The following DIAPH2 variants were observed in gnomAD, a reference collection of about 807,000 sequenced individuals.
DIAPH2 encodes protein diaphanous homolog 2.
A neutral mutation model predicts 92.7 loss-of-function variants in DIAPH2; 35 were observed. The observed-to-expected ratio is 0.38, with a 90% CI of 0.29 to 0.50. The LOEUF (loss-of-function observed/expected upper bound fraction) is 0.50. Among genes scored for constraint, DIAPH2 ranks in the 20% least tolerant of loss-of-function variants. The pLI is 0.94. For synonymous variants in DIAPH2, 301 were observed against 280.4 expected, an observed-to-expected ratio of 1.07 and a Z score of -0.73; for missense variants, 701 against 819.5, an observed-to-expected ratio of 0.86 and a Z score of 1.77.
chrX:97,467,196 A>G (rs1033143340), intron 26 of DIAPH2, among the ~76,000 whole-genome samples: 5 of 112,138 alleles, frequency 4.5e-5, no homozygotes, highest in Non-Finnish European at 1.9e-5. Flanking sequence ...GGAAAAGTCC[A>G]TCATAAAAGT....
chrX:96,720,959 C>T (rs964316477), intron 1 of DIAPH2, among the ~76,000 whole-genome samples: 2 of 111,249 alleles, frequency 1.8e-5, no homozygotes, highest in Non-Finnish European at 3.8e-5. Context: ...TACTGGTTTT[C>T]CTTGTCCTGA....
intron 9 of DIAPH2, among the ~76,000 whole-genome samples, chrX:96,922,149 T>C (rs2065549998): frequency 9.0e-6 from 1 of 111,473 alleles, no homozygotes; most frequent in South Asian, 3.8e-4. Context: ...ATAACTTCCC[T>C]AGGGTCACAG....
At chrX:97,449,354 T>G (rs1327967686) in intron 26 of DIAPH2, among the ~76,000 whole-genome samples, 1 of 112,131 alleles carries the variant, frequency 8.9e-6, no homozygotes, top group Non-Finnish European at 1.9e-5. Context: ...AATCTGGTGT[T>G]AGTAATTGCT....
At chrX:96,760,296 G>A (rs2064259929) in intron 4 of DIAPH2, among the ~76,000 whole-genome samples, 1 of 111,206 alleles carries the variant, frequency 9.0e-6, no homozygotes, top group Admixed American at 9.6e-5. Flanking sequence ...AGGTGAGAGG[G>A]TTGGCCTTCA....
At chrX:96,962,650 G>A (rs1221938507) in intron 16 of DIAPH2, among the ~76,000 whole-genome samples, 1 of 105,683 alleles carries the variant, frequency 9.5e-6, no homozygotes, top group Non-Finnish European at 1.9e-5. Flanking sequence ...TGTGTGTCTT[G>A]CAGGTGAAAT....
At chrX:96,784,260 T>C (rs749076192) in intron 4 of DIAPH2, among the ~76,000 whole-genome samples, 1 of 112,246 alleles carries the variant, frequency 8.9e-6, no homozygotes, top group East Asian at 2.8e-4. Context: ...TTAGTATGTG[T>C]ATCATCTGTA....
chrX:97,224,913 A>C (rs2067953664), intron 22 of DIAPH2, among the ~76,000 whole-genome samples: 1 of 111,159 alleles, frequency 9.0e-6, no homozygotes. Flanking sequence ...TGAATTTAAC[A>C]TGTTGACTGA....
At chrX:96,877,348 T>A (rs2065187202) in intron 4 of DIAPH2, among the ~76,000 whole-genome samples, 1 of 112,247 alleles carries the variant, frequency 8.9e-6, no homozygotes, top group Admixed American at 9.5e-5. Flanking sequence ...GATTAGAAAC[T>A]TATTTGATTA....
intron 25 of DIAPH2, among the ~76,000 whole-genome samples, chrX:97,415,857 A>G (rs982048556): frequency 1.1e-4 from 12 of 110,523 alleles, no homozygotes; most frequent in African/African-American, 3.0e-4. Context: ...TATAATTAAG[A>G]AAAAAAAATA....
At chrX:96,903,265 C>A (rs2065411222) in intron 5 of DIAPH2, among the ~76,000 whole-genome samples, 1 of 111,613 alleles carries the variant, frequency 9.0e-6, no homozygotes, top group African/African-American at 3.2e-5. Context: ...TCATTGCATT[C>A]AAATAACTTC....
At chrX:96,806,763 CG>C (rs1360027729) in intron 4 of DIAPH2, among the ~76,000 whole-genome samples, 2 of 93,985 alleles carry the variant, frequency 2.1e-5, no homozygotes, top group Middle Eastern at 6.8e-3. Flanking sequence ...TTTTTTGAGA[CG>C]GAGTCTCGCT....
intron 26 of DIAPH2, among the ~76,000 whole-genome samples, chrX:97,471,032 G>A (rs948115064): frequency 8.9e-6 from 1 of 111,850 alleles, no homozygotes; most frequent in Admixed American, 9.5e-5. Context: ...AGAAAATGGA[G>A]GTGTCGCTAG....
At chrX:96,736,093 T>C (rs1192448192) in intron 2 of DIAPH2, among the ~76,000 whole-genome samples, 1 of 111,453 alleles carries the variant, frequency 9.0e-6, no homozygotes, top group South Asian at 3.7e-4. Flanking sequence ...GCCAAATAAA[T>C]TGTGAATGTA....
intron 5 of DIAPH2, among the ~76,000 whole-genome samples, chrX:96,899,317 C>A (rs1187831218): frequency 9.1e-5 from 10 of 109,915 alleles, no homozygotes; most frequent in African/African-American, 2.6e-4. Context: ...TTACCTTGGG[C>A]AGTATGGCCA....
chrX:97,227,810 A>C (rs1343359400), intron 22 of DIAPH2, among the ~76,000 whole-genome samples: 1 of 112,381 alleles, frequency 8.9e-6, no homozygotes, highest in African/African-American at 3.2e-5. Flanking sequence ...AGTTAATATA[A>C]GGCATGATTA....
intron 9 of DIAPH2, among the ~76,000 whole-genome samples, chrX:96,923,885 A>G (rs944667089): frequency 1.8e-5 from 2 of 112,022 alleles, no homozygotes; most frequent in African/African-American, 6.5e-5. Flanking sequence ...GTTAAATTAT[A>G]TCTAGTTTAT....
intron 17 of DIAPH2, among the ~76,000 whole-genome samples, chrX:97,012,037 T>C (rs919667157): frequency 1.8e-5 from 2 of 111,016 alleles, no homozygotes; most frequent in Non-Finnish European, 3.8e-5. Flanking sequence ...GGTTCCTGTT[T>C]GGAAGGAACC....
intron 23 of DIAPH2, among the ~76,000 whole-genome samples, chrX:97,260,780 C>G (rs1489446534): frequency 1.8e-5 from 2 of 112,039 alleles, no homozygotes; most frequent in Non-Finnish European, 3.8e-5. Flanking sequence ...CTTGTGGGAG[C>G]TGGAATTTTT....
At position 96,709,059 on chromosome X, in the gene DIAPH2, A is replaced by C. The variant is rs746759417; in HGVS notation, c.132+23869A>C. On this transcript the variant is annotated intron_variant, in intron 1 of 26. Coordinates refer to ENST00000324765, the MANE Select transcript of DIAPH2 (RefSeq NM_006729.5). Reference sequence around the variant, plus strand: ...TAATGGCTTATTTTAAGCAGTAATTAACAAATGAAAAAAATTTCATATTTC... The same window carrying C: ...TAATGGCTTATTTTAAGCAGTAATTCACAAATGAAAAAAATTTCATATTTC... Among the ~76,000 whole-genome samples, 6 of 112,331 alleles carry C rather than the reference A, an allele frequency of 5.3e-5. No individual in the cohort carries two copies. The East Asian group carries it at 1.7e-3, about 32-fold the overall frequency.
Sources: gnomAD v4.1 joint callset for allele counts (sites outside exome capture counted in the v4.1 genomes callset) on GRCh38, gnomAD v4.1.1 for gene constraint, MANE v1.5 for transcripts, NCBI Gene and HGNC (gene_info 2026-07-23, HGNC 2026-07-21) for gene names.